Variants in SH3D21 observed in about 807,000 individuals in gnomAD.
SH3D21 encodes the protein SH3 domain-containing protein 21.
A neutral mutation model predicts 82.1 loss-of-function variants in SH3D21; 83 were observed. The observed-to-expected ratio is 1.01, with a 90% confidence interval of 0.85 to 1.21. The LOEUF is 1.21. Ranked by LOEUF, SH3D21 falls within the 50% of genes most tolerant of loss-of-function variation. The pLI is 0.00. For missense variants in SH3D21, 980 were observed against 962.1 expected (o/e 1.02, Z -0.25); for synonymous variants, 383 against 387.8 (o/e 0.99, Z 0.15).
chr1:36,315,941 C>A (rs1646335179), intron 10 of SH3D21, among the ~76,000 whole-genome samples: 1 of 152,130 alleles, frequency 6.6e-6, no homozygotes, highest in African/African-American at 2.4e-5. Flanking sequence ...CTAGTAATTC[C>A]ATTTTCTGTG....
chr1:36,322,425 T>C, downstream of SH3D21: 1 of 1,602,786 alleles, frequency 6.2e-7, no homozygotes. Flanking sequence ...CTCCAGCCGC[T>C]GCGCCCGCTC....
At chr1:36,308,543 G>A (rs1646176942) in intron 9 of SH3D21, 68 bp downstream of exon 9, 1 of 1,326,264 alleles carries the variant, frequency 7.5e-7, no homozygotes, top group Non-Finnish European at 1.1e-6. Flanking sequence ...GGGATCATGG[G>A]CACTCTCCGG....
In SH3D21 at chr1:36,310,893, T is replaced by G. The variant is rs187089386; in HGVS notation, c.769+1303T>G. Among the ~76,000 whole-genome samples the G allele has an allele frequency of 1.1e-3, 165 of 152,044 alleles. 1 individual carries two copies. Among genetic ancestry groups the G allele is most frequent in the Non-Finnish European group, 2.0e-3 (133 of 67,940 alleles). On this transcript the variant is annotated intron_variant, in intron 10 of 15. Transcript: ENST00000453908. Reference sequence around the variant, plus strand: ...GTTTATAGTCTTCTGAGACTTGCTGTTTTTTTTGGTTTGTTTGTTTTTTTT... The same window carrying G: ...GTTTATAGTCTTCTGAGACTTGCTGGTTTTTTTGGTTTGTTTGTTTTTTTT...
chr1:36,324,993 TAC>T (rs1646527847), downstream of SH3D21: 1 of 152,216 alleles, frequency 6.6e-6, no homozygotes, highest in South Asian at 2.1e-4. Flanking sequence ...GCTGAACATG[TAC>T]AGACTTTTTT....
downstream of SH3D21, chr1:36,324,689 G>C (rs1166132119): frequency 2.6e-5 from 4 of 152,250 alleles, no homozygotes; most frequent in Admixed American, 2.0e-4. Context: ...TCTAGATGGG[G>C]GAGGACTAGG....
At position 36,307,540 on chromosome 1, in the gene SH3D21, G is replaced by T. The variant is rs1012934385; in HGVS notation, c.369G>T (p.Gly123=). Residue 123 remains glycine, a synonymous_variant, in exon 5 of 16, where the codon GGG becomes GGT. Coordinates refer to ENST00000453908, the MANE Select transcript of SH3D21 (RefSeq NM_001162530.2). This position sits in a 1 kb window ranked among gnomAD's most constrained non-coding sequence, Gnocchi z 5.4. ...AGATTGAGGACGGCTGGTGGCTGGG[G>T]AAGAAGAACGGGCAGCTGGGAGCCT... ...IKEIEDGWWL[G]KKNGQLGAFP... The T allele has an allele frequency of 6.4e-7, 1 of 1,551,624 alleles. No individual in the cohort carries two copies. Among genetic ancestry groups the T allele is most frequent in the Non-Finnish European group, 8.7e-7 (1 of 1,146,964 alleles).
At position 36,321,148 on chromosome 1, in the gene SH3D21, C is replaced by G; in HGVS notation, c.*21C>G. 6.2e-7 allele frequency: 1 copy of G among 1,606,120 alleles called. No individual in the cohort carries two copies. Among genetic ancestry groups the G allele is most frequent in the Non-Finnish European group, 8.5e-7 (1 of 1,176,792 alleles). ...ACTGAGGGTGGGCCTGGGAAGGGAC[C>G]GCGGCCTGACCTGGCTGGGGCCACC... is the stretch of plus-strand genomic sequence containing the variant. On this transcript the variant is annotated 3_prime_UTR_variant, in exon 16 of 16. Transcript: ENST00000453908. The surrounding 1 kb of genome is among the most constrained non-coding windows in gnomAD (Gnocchi z 6.1).
chr1:36,319,502 C>T lies in SH3D21; in HGVS notation c.977C>T (p.Thr326Ile). ...SYHPGRKRSK[T>I]QTPQQRSVSS... is the part of the protein sequence containing the mutation. ...CACCCTGGCCGAAAGCGATCCAAAA[C>T]CCAGACTCCCCAGCAACGCTCTGTG... is the stretch of plus-strand genomic sequence containing the variant. The change falls in exon 13 of 16, where the codon ACC becomes ATC. Residue 326 changes from threonine to isoleucine, a missense_variant. Coordinates refer to ENST00000453908, the MANE Select transcript of SH3D21 (RefSeq NM_001162530.2). 7.7e-6 allele frequency: 12 copies of T among 1,551,672 alleles called. No individual in the cohort carries two copies. The highest frequency in any genetic ancestry group is 1.0e-5 in the Non-Finnish European group (12 of 1,146,978).
chr1:36,316,812 T>C (rs1318832613), intron 10 of SH3D21, among the ~76,000 whole-genome samples: 1 of 150,678 alleles, frequency 6.6e-6, no homozygotes, highest in Non-Finnish European at 1.5e-5. Flanking sequence ...TTACCCAGGC[T>C]GGAGTGCAAT....
rs1018498821 is a variant in SH3D21, at chr1:36,306,517, G to A, written c.5-81G>A. The A allele has an allele frequency of 7.7e-7, 1 of 1,303,804 alleles. No homozygotes were observed. Among genetic ancestry groups the A allele is most frequent in the African/African-American group, 1.5e-5 (1 of 65,832 alleles). 80.8% of individuals were successfully genotyped at this position (1,303,804 alleles called of 1,614,324 possible). ...CCCGACCCCCGCTGCCCTCTACGGT[G>A]CTTGGGGACACGCCCGCCCTAGCCA... On this transcript the variant is annotated intron_variant, in intron 1 of 15. Coordinates refer to ENST00000453908, the MANE Select transcript of SH3D21 (RefSeq NM_001162530.2). The surrounding 1 kb of genome is among the most constrained non-coding windows in gnomAD (Gnocchi z 4.5).
In SH3D21 at chr1:36,306,856, C is replaced by G. The variant is rs1483568067; in HGVS notation, c.177C>G (p.Thr59=). 1 of 1,297,500 alleles carries G rather than the reference C, an allele frequency of 7.7e-7. No homozygotes were observed. The highest frequency in any genetic ancestry group is 2.3e-5 in the Admixed American group (1 of 43,314). The allele number at this position is 1,297,500 out of a possible 1,614,324, so 80.4% of individuals were successfully genotyped here. Residue 59 remains threonine, a synonymous_variant, in exon 3 of 16, where the codon ACC becomes ACG. Transcript: ENST00000453908. This position sits in a 1 kb window ranked among gnomAD's most constrained non-coding sequence, Gnocchi z 4.5. ...CTGATTCCCAGGAGATCCCAGAGAC[C>G]CTGCGGGGCTCCGGAGAGGCGCGGA... ...PERLVQEIPE[T]LRGSGEARRP...
rs903102372 is a variant in SH3D21 at position 36,306,859 on chromosome 1, G to C, written c.180G>C (p.Leu60=). Residue 60 remains leucine, a synonymous_variant, in exon 3 of 16, where the codon CTG becomes CTC. Transcript: ENST00000453908. The surrounding 1 kb of genome is among the most constrained non-coding windows in gnomAD (Gnocchi z 4.5). ...ATTCCCAGGAGATCCCAGAGACCCT[G>C]CGGGGCTCCGGAGAGGCGCGGAGGC... ...ERLVQEIPET[L]RGSGEARRPR... is the part of the protein sequence containing the mutation. 8 of 1,297,882 alleles carry C rather than the reference G, an allele frequency of 6.2e-6. No individual in the cohort carries two copies. In the African/African-American group the frequency reaches 1.1e-4, roughly 18 times the overall value. The allele number at this position is 1,297,882 out of a possible 1,614,324, so 80.4% of individuals were successfully genotyped here.
chr1:36,309,438 C>A, intron 9 of SH3D21, 110 bp from the exon 10 acceptor site: 2 of 1,235,530 alleles, frequency 1.6e-6, no homozygotes, highest in Non-Finnish European at 2.3e-6. Flanking sequence ...CTCAAGTGAT[C>A]CACTCCCAAA....
Position 36,309,559 on chromosome 1 carries a change from G to T in SH3D21, c.738G>T (p.Leu246=), listed in dbSNP as rs1268051297. ...FVLPPPPIKK[L]VPRKVVSRES... is the part of the protein sequence containing the mutation. ...TCTTTTCGGCATAGATCAAGAAGCT[G>T]GTCCCACGGAAAGTGGTATCTCGGG... Residue 246 remains leucine (L), a synonymous_variant, in exon 10 of 16, where the codon CTG becomes CTT. Transcript: ENST00000453908. The T allele has an allele frequency of 1.9e-6, 3 of 1,551,660 alleles. No individual in the cohort carries two copies. The South Asian group carries it at 3.6e-5, about 18-fold the overall frequency.
chr1:36,322,457 G>A (rs1306055846), downstream of SH3D21: 2 of 1,604,786 alleles, frequency 1.2e-6, no homozygotes, highest in East Asian at 2.2e-5. Flanking sequence ...CCGACGTGAA[G>A]ACGTTGACGT....
At position 36,307,477 on chromosome 1, in the gene SH3D21, G is replaced by A. The variant is rs974750460; in HGVS notation, c.346-40G>A. 3 of 1,546,654 alleles carry A rather than the reference G, an allele frequency of 1.9e-6. No homozygotes were observed. The highest frequency in any genetic ancestry group is 1.2e-5 in the South Asian group (1 of 83,750). The stretch of plus-strand genomic sequence containing the variant: ...TGGCAGATTATCCTAGGGACTCTTG[G>A]GGCAGAACCAGACGCCTCTGCGTCC... On this transcript the variant is annotated intron_variant, in intron 4 of 15. Transcript: ENST00000453908. The surrounding 1 kb of genome is among the most constrained non-coding windows in gnomAD (Gnocchi z 5.4).
downstream of SH3D21, chr1:36,322,609 G>T (rs1422606992): frequency 2.1e-5 from 32 of 1,550,188 alleles, no homozygotes; most frequent in Non-Finnish European, 2.6e-5. Context: ...CGCTGAGCCG[G>T]GCCCCGGGGC....
chr1:36,327,644 G>C, downstream of SH3D21: 1 of 1,190,500 alleles, frequency 8.4e-7, no homozygotes, highest in South Asian at 1.5e-5. Context: ...AGTGGAGCAG[G>C]ATGAGGGTTG....
Position 36,319,067 on chromosome 1 carries a change from C to CTATTAAG in SH3D21, c.770-4_770-3insTATTAAG. The CTATTAAG allele has an allele frequency of 6.5e-7, 1 of 1,527,512 alleles. No individual in the cohort carries two copies. The highest frequency in any genetic ancestry group is 1.4e-5 in the African/African-American group (1 of 72,460). 94.6% of individuals were successfully genotyped at this position (1,527,512 alleles called of 1,614,324 possible). A position where few individuals can be genotyped will look rare whatever the true frequency, so the allele number is the denominator to read the frequency against. The stretch of plus-strand genomic sequence containing the variant: ...GGATGAGTGCTCCACTCCTCTCTTC[C>CTATTAAG]CAGCTCCTATTAAGGAACCAAAAAA... On this transcript the variant is annotated splice_region_variant and splice_polypyrimidine_tract_variant and intron_variant, in intron 10 of 15. Coordinates refer to ENST00000453908, the MANE Select transcript of SH3D21 (RefSeq NM_001162530.2).
Sources: gnomAD v4.1 joint callset for allele counts (sites outside exome capture counted in the v4.1 genomes callset) on GRCh38, gnomAD v4.1.1 for gene constraint, Gnocchi (gnomAD v3.1) non-coding constraint, MANE v1.5 for transcripts, NCBI Gene and HGNC (gene_info 2026-07-23, HGNC 2026-07-21) for gene names.